CADM1: variants seen among roughly 807,000 people sequenced by gnomAD.
The protein encoded by CADM1 is cell adhesion molecule 1, also known as TSLC-1.
In CADM1, 15 loss-of-function variants were observed where a neutral mutation model predicts 53.1. That is an observed-to-expected ratio of 0.28 (90% CI 0.19 to 0.44). The LOEUF is 0.44. CADM1 is among the 20% of genes least tolerant of loss of function. The pLI is 1.00. For synonymous variants in CADM1, 281 were observed against 243.0 expected, an observed-to-expected ratio of 1.16 and a Z score of -1.45; for missense variants, 434 against 611.3, an observed-to-expected ratio of 0.71 and a Z score of 3.06.
chr11:115,297,307 G>A (rs1794483642), intron 1 of CADM1, among the ~76,000 whole-genome samples: 1 of 152,284 alleles, frequency 6.6e-6, no homozygotes, highest in African/African-American at 2.4e-5. Context: ...CCTGGATGAT[G>A]CAATTAAAAG....
chr11:115,264,749 G>A (rs766409166), intron 1 of CADM1, among the ~76,000 whole-genome samples: 3 of 152,284 alleles, frequency 2.0e-5, no homozygotes, highest in South Asian at 2.1e-4. Flanking sequence ...TAACTGATGC[G>A]AGGATGAAAC....
intron 1 of CADM1, among the ~76,000 whole-genome samples, chr11:115,461,737 G>T (rs918004588): frequency 1.3e-5 from 2 of 152,132 alleles, no homozygotes; most frequent in South Asian, 2.1e-4. Context: ...TTTGTATTTT[G>T]AGTATATTTG....
At chr11:115,230,488 C>T (rs907250380) in intron 4 of CADM1, among the ~76,000 whole-genome samples, 5 of 152,174 alleles carry the variant, frequency 3.3e-5, no homozygotes, top group Non-Finnish European at 7.3e-5. Flanking sequence ...GTGCAGGGTA[C>T]TACCTGCAGG....
chr11:115,456,875 T>C (rs1207333774), intron 1 of CADM1, among the ~76,000 whole-genome samples: 1 of 152,164 alleles, frequency 6.6e-6, no homozygotes, highest in Non-Finnish European at 1.5e-5. Flanking sequence ...GGTTCCCAAA[T>C]AACCAAGCAC....
At chr11:115,244,100 G>A (rs1942331472) in intron 1 of CADM1, among the ~76,000 whole-genome samples, 1 of 152,180 alleles carries the variant, frequency 6.6e-6, no homozygotes. Context: ...TAAAACTATG[G>A]CACTGGAGAG....
chr11:115,173,760 T>A lies in CADM1; in HGVS notation c.*2714A>T. 1.0e-6 allele frequency: 1 copy of A among 980,264 alleles called. No individual in the cohort carries two copies. The highest frequency in any genetic ancestry group is 1.2e-6 in the Non-Finnish European group (1 of 825,356). The allele number at this position is 980,264 out of a possible 1,614,324, so 60.7% of individuals were successfully genotyped here. A position where few individuals can be genotyped will look rare whatever the true frequency, so the allele number is the denominator to read the frequency against. On this transcript the variant is annotated 3_prime_UTR_variant, in exon 12 of 12. Transcript: ENST00000331581. ...GAATGGGAACATATGGATATGGAGT[T>A]TCTTACACTGTAACATTGTCCATGT...
At chr11:115,467,151 G>T (rs1187105069) in intron 1 of CADM1, among the ~76,000 whole-genome samples, 1 of 152,206 alleles carries the variant, frequency 6.6e-6, no homozygotes, top group Non-Finnish European at 1.5e-5. Context: ...CTTGTTCTCT[G>T]ATGAAGACAC....
intron 1 of CADM1, among the ~76,000 whole-genome samples, chr11:115,264,295 T>G (rs1372137744): frequency 6.6e-6 from 1 of 152,174 alleles, no homozygotes; most frequent in African/African-American, 2.4e-5. Context: ...TTTATTAACA[T>G]CTGAAGGTTG....
At chr11:115,211,638 C>T (rs1448110389) in intron 7 of CADM1, among the ~76,000 whole-genome samples, 1 of 150,078 alleles carries the variant, frequency 6.7e-6, no homozygotes, top group East Asian at 1.9e-4. Context: ...CGCCACCACA[C>T]CCAGCTAATT....
chr11:115,387,741 T>A (rs1424311146), intron 1 of CADM1, among the ~76,000 whole-genome samples: 1 of 152,168 alleles, frequency 6.6e-6, no homozygotes, highest in East Asian at 1.9e-4. Context: ...AGTATTAGTG[T>A]GAACTCACAA....
Position 115,176,094 on chromosome 11 carries a change from A to G in CADM1, c.*380T>C. The G allele has an allele frequency of 9.3e-7, 1 of 1,071,426 alleles. No homozygotes were observed. The highest frequency in any genetic ancestry group is 1.1e-6 in the Non-Finnish European group (1 of 881,590). 66.4% of individuals were successfully genotyped at this position (1,071,426 alleles called of 1,614,324 possible). A position where few individuals can be genotyped will look rare whatever the true frequency, so the allele number is the denominator to read the frequency against. Reference sequence around the variant, plus strand: ...ATTCCAAAATGGGAGATTTTGGAAAAAATCCGAAATTGGGGTAGAGGGAGG... The same window carrying G: ...ATTCCAAAATGGGAGATTTTGGAAAGAATCCGAAATTGGGGTAGAGGGAGG... On this transcript the variant is annotated 3_prime_UTR_variant, in exon 12 of 12. Coordinates refer to ENST00000331581, the MANE Select transcript of CADM1 (RefSeq NM_001301043.2).
At chr11:115,229,298 AC>A (rs1941733082) in intron 4 of CADM1, 27 bp from the exon 5 acceptor site, 1 of 1,612,646 alleles carries the variant, frequency 6.2e-7, no homozygotes, top group African/African-American at 1.3e-5. Context: ...GTACCAAGAC[AC>A]CAGAGTTGGG....
rs941003920 is a variant in CADM1, at chr11:115,175,519, G to A, written c.*955C>T. ...GAACAGAAACAACCAGAGCAGAACT[G>A]TATTTCCCCCCTCCCTACTTCCCCT... On this transcript the variant is annotated 3_prime_UTR_variant, in exon 12 of 12. Coordinates refer to ENST00000331581, the MANE Select transcript of CADM1 (RefSeq NM_001301043.2). 1 of 985,548 alleles carries A rather than the reference G, an allele frequency of 1.0e-6. No homozygotes were observed. Among genetic ancestry groups the A allele is most frequent in the Non-Finnish European group, 1.2e-6 (1 of 830,008 alleles). 61.1% of individuals were successfully genotyped at this position (985,548 alleles called of 1,614,324 possible). A position where few individuals can be genotyped will look rare whatever the true frequency, so the allele number is the denominator to read the frequency against.
At chr11:115,356,796 G>C (rs776365675) in intron 1 of CADM1, among the ~76,000 whole-genome samples, 6 of 152,076 alleles carry the variant, frequency 3.9e-5, no homozygotes, top group African/African-American at 1.4e-4. Context: ...ATACACACGA[G>C]ACAAACTGAT....
At chr11:115,479,443 C>A (rs1949209990) in intron 1 of CADM1, among the ~76,000 whole-genome samples, 1 of 151,972 alleles carries the variant, frequency 6.6e-6, no homozygotes, top group Non-Finnish European at 1.5e-5. Context: ...CACAAGGATC[C>A]CCATCACACA....
At position 115,268,260 on chromosome 11, in the gene CADM1, T is replaced by C. The variant is rs137886460; in HGVS notation, c.125-27840A>G. Among the ~76,000 whole-genome samples, 19 of 152,324 alleles carry C rather than the reference T, an allele frequency of 1.2e-4. No homozygotes were observed. The East Asian group carries it at 3.5e-3, about 28-fold the overall frequency. On this transcript the variant is annotated intron_variant, in intron 1 of 11. Transcript: ENST00000331581. ...TTCTGTGTCCTTAGAAGAACATTCT[T>C]GATTTTTTACACTTGAGCTTCTTCA...
At chr11:115,310,635 CTG>C (rs1329437637) in intron 1 of CADM1, among the ~76,000 whole-genome samples, 9 of 152,250 alleles carry the variant, frequency 5.9e-5, no homozygotes, top group Admixed American at 3.3e-4. Flanking sequence ...AATGCAAAGA[CTG>C]TGTGACACCT....
intron 1 of CADM1, among the ~76,000 whole-genome samples, chr11:115,472,956 C>A (rs1949048270): frequency 6.6e-6 from 1 of 152,128 alleles, no homozygotes. Context: ...CAAAACCATA[C>A]TGTTCAGTTT....
chr11:115,338,103 A>G (rs1354803009), intron 1 of CADM1, among the ~76,000 whole-genome samples: 1 of 152,176 alleles, frequency 6.6e-6, no homozygotes, highest in Non-Finnish European at 1.5e-5. Context: ...AAATGTTAGC[A>G]GGAGGAAAAG....
Sources: gnomAD v4.1 joint callset for allele counts (sites outside exome capture counted in the v4.1 genomes callset) on GRCh38, gnomAD v4.1.1 for gene constraint, MANE v1.5 for transcripts, NCBI Gene and HGNC (gene_info 2026-07-23, HGNC 2026-07-21) for gene names.